The following KRT8 variants were observed in gnomAD, a reference collection of about 807,000 sequenced individuals.
KRT8 encodes the protein keratin 8, also known as keratin, type II cytoskeletal 8.
Under a neutral mutation model 43.0 loss-of-function variants are expected in KRT8, and 24 were observed. The observed-to-expected ratio is 0.56, with a 90% CI of 0.40 to 0.78. The LOEUF is 0.78. KRT8 is among the 30% of genes least tolerant of loss of function. The probability of loss-of-function intolerance (pLI) is 0.00; values close to 1 mark genes in which losing one functional copy is unlikely to be tolerated. For synonymous variants in KRT8, 214 were observed against 261.2 expected (o/e 0.82, Z 1.74); for missense variants, 492 against 638.4 (o/e 0.77, Z 2.47).
At chr12:52,905,479 G>A (rs1941493456), upstream of KRT8, among the ~76,000 whole-genome samples, 1 of 152,116 alleles carries the variant, frequency 6.6e-6, no homozygotes, top group African/African-American at 2.4e-5. Flanking sequence ...TCTCCTCTGA[G>A]CTGCCGACAC....
chr12:52,926,243 C>T (rs1941989001), intron 2 of KRT8, among the ~76,000 whole-genome samples: 2 of 151,580 alleles, frequency 1.3e-5, no homozygotes, highest in South Asian at 4.2e-4. Context: ...CTGTCACTCC[C>T]TAGCCCAGAG....
rs1565725675 is a variant in KRT8 at position 52,918,200 on chromosome 12, A to AAGAAGAAGAAGAAGAAGAAGAAGAAGG, written c.-46-13174_-46-13173insCCTTCTTCTTCTTCTTCTTCTTCTTCT. 5.0e-5 allele frequency among the ~76,000 whole-genome samples: 6 copies of AAGAAGAAGAAGAAGAAGAAGAAGAAGG among 121,180 alleles called. 1 individual carries two copies. Among genetic ancestry groups the AAGAAGAAGAAGAAGAAGAAGAAGAAGG allele is most frequent in the Non-Finnish European group, 1.0e-4 (6 of 59,306 alleles). The allele number at this position is 121,180 out of a possible 152,430, so 79.5% of individuals were successfully genotyped here. ...GAAGAGGAAGAAGAAGAAGAAGAAGAAGAACAAGAAGAAGAAGAAGAAGAA... is the reference window on the plus strand; with the variant it reads ...GAAGAGGAAGAAGAAGAAGAAGAAGAAGAAGAAGAAGAAGAAGAAGAAGAAGGAGAACAAGAAGAAGAAGAAGAAGAA... On this transcript the variant is annotated intron_variant, in intron 2 of 6. Coordinates refer to the KRT8 transcript ENST00000546826.
chr12:52,918,730 T>C (rs1374037646), intron 2 of KRT8, among the ~76,000 whole-genome samples: 2 of 152,144 alleles, frequency 1.3e-5, no homozygotes, highest in Non-Finnish European at 2.9e-5. Context: ...TTTCAAGACA[T>C]GTTAGCTTGA....
chr12:52,922,165 C>CA (rs1367232855), intron 2 of KRT8, among the ~76,000 whole-genome samples: 34 of 112,444 alleles, frequency 3.0e-4, no homozygotes, highest in Admixed American at 9.2e-4. Flanking sequence ...CACTGGGTGA[C>CA]AGAGTGAGAC....
intron 2 of KRT8, chr12:52,947,226 G>C (rs1942359247): frequency 6.6e-6 from 1 of 152,314 alleles, no homozygotes; most frequent in Non-Finnish European, 1.5e-5. Context: ...CAGCATGAAA[G>C]CCTCCCTACC....
At chr12:52,909,146 T>G (rs1941581912), upstream of KRT8, among the ~76,000 whole-genome samples, 1 of 152,230 alleles carries the variant, frequency 6.6e-6, no homozygotes, top group Non-Finnish European at 1.5e-5. Flanking sequence ...TCAACAAAGT[T>G]GTAACAAAAA....
chr12:52,932,559 A>G (rs1020219246), intron 2 of KRT8, among the ~76,000 whole-genome samples: 1 of 152,180 alleles, frequency 6.6e-6, no homozygotes, highest in Admixed American at 6.6e-5. Context: ...AGCCAGTGCA[A>G]TAAGTCAGGA....
At chr12:52,946,597 A>T (rs910274185) in intron 2 of KRT8, 23 of 152,190 alleles carry the variant, frequency 1.5e-4, no homozygotes, top group Admixed American at 9.8e-4. Context: ...CAATAACAGT[A>T]AAAGGCAGTA....
At chr12:52,916,490 C>T (rs1348150197) in intron 2 of KRT8, among the ~76,000 whole-genome samples, 2 of 152,206 alleles carry the variant, frequency 1.3e-5, no homozygotes, top group Non-Finnish European at 2.9e-5. Flanking sequence ...CTGGGCTTAC[C>T]ATCGTGTCAT....
chr12:52,914,362 C>T (rs940106136), intron 2 of KRT8, among the ~76,000 whole-genome samples: 1 of 152,096 alleles, frequency 6.6e-6, no homozygotes, highest in African/African-American at 2.4e-5. Flanking sequence ...CATGGAGAAA[C>T]TGTCCTTACT....
At chr12:52,929,836 TC>T (rs934695008) in intron 2 of KRT8, among the ~76,000 whole-genome samples, 18 of 152,244 alleles carry the variant, frequency 1.2e-4, no homozygotes, top group Middle Eastern at 3.4e-3. Context: ...GGATGATGAA[TC>T]CCAGATCAAC....
intron 2 of KRT8, among the ~76,000 whole-genome samples, chr12:52,917,979 G>GA (rs1467459643): frequency 1.4e-5 from 2 of 146,374 alleles, no homozygotes; most frequent in African/African-American, 5.1e-5. Flanking sequence ...GGAAGAGGAA[G>GA]AAGAAGAAGA....
chr12:52,926,411 C>T (rs1405361390), intron 2 of KRT8: 1 of 1,295,018 alleles, frequency 7.7e-7, no homozygotes, highest in South Asian at 1.2e-5. Flanking sequence ...TGAAACCTTA[C>T]CCTTCCTGCA....
At chr12:52,935,378 C>CAAAAAAAAAAAAAAAA (rs71092794) in intron 2 of KRT8, among the ~76,000 whole-genome samples, 1 of 23,752 alleles carries the variant, frequency 4.2e-5, no homozygotes, top group African/African-American at 1.9e-4. Flanking sequence ...GACTCTGTCT[C>CAAAAAAAAAAAAAAAA]AAAAAAAAAA....
intron 2 of KRT8, among the ~76,000 whole-genome samples, chr12:52,917,404 A>G (rs998987101): frequency 2.0e-5 from 3 of 150,768 alleles, no homozygotes; most frequent in African/African-American, 7.3e-5. Flanking sequence ...CATCTCAAAA[A>G]AAAAAAAGAA....
chr12:52,912,051 G>A (rs1306656468), upstream of KRT8, among the ~76,000 whole-genome samples: 1 of 152,132 alleles, frequency 6.6e-6, no homozygotes, highest in African/African-American at 2.4e-5. Context: ...GGAAAGAAAA[G>A]TATTTGTGTT....
At chr12:52,904,801 C>G in exon 1 of KRT8, 3 of 1,612,322 alleles carry the variant, frequency 1.9e-6, no homozygotes, top group Non-Finnish European at 2.5e-6. Context: ...GTGATGCCTC[C>G]CATGCCGCTG....
intron 2 of KRT8, among the ~76,000 whole-genome samples, chr12:52,927,608 T>C (rs965371503): frequency 6.6e-6 from 1 of 152,208 alleles, no homozygotes; most frequent in Non-Finnish European, 1.5e-5. Flanking sequence ...GTCCACACCA[T>C]GCCAGCCAGG....
At chr12:52,917,932 GAGAAGAGGAAGAAGAGGAAGA>G (rs1941776066) in intron 2 of KRT8, among the ~76,000 whole-genome samples, 1 of 146,214 alleles carries the variant, frequency 6.8e-6, no homozygotes, top group Non-Finnish European at 1.5e-5. Flanking sequence ...GAAGGAGAAG[GAGAAGAGGAAGAAGAGGAAGA>G]GGAAGAAGAA....
Sources: allele counts gnomAD v4.1 joint callset (sites outside exome capture counted in the v4.1 genomes callset), GRCh38; gene constraint gnomAD v4.1.1; transcripts MANE v1.5; gene names NCBI Gene and HGNC (gene_info 2026-07-23, HGNC 2026-07-21).